The following MAD1L1 variants were observed in gnomAD, a reference collection of about 807,000 sequenced individuals.
MAD1L1 encodes mitotic spindle assembly checkpoint protein MAD1.
A neutral mutation model predicts 96.9 loss-of-function variants in MAD1L1; 95 were observed. The ratio of observed to expected loss-of-function variants is 0.98; its 90% confidence interval spans 0.83 to 1.16. The LOEUF is 1.16. Ranked by LOEUF, MAD1L1 falls within the 50% of genes most tolerant of loss-of-function variation. MAD1L1 has a pLI of 0.00. For missense variants in MAD1L1, 1,007 were observed against 954.4 expected (o/e 1.06, Z -0.73); for synonymous variants, 473 against 396.6 (o/e 1.19, Z -2.29).
At chr7:1,981,755 C>T (rs754450147) in intron 14 of MAD1L1, among the ~76,000 whole-genome samples, 6 of 152,166 alleles carry the variant, frequency 3.9e-5, no homozygotes, top group Non-Finnish European at 8.8e-5. Flanking sequence ...GGACAACACC[C>T]CCTGGGCTGG....
intron 12 of MAD1L1, among the ~76,000 whole-genome samples, chr7:2,031,045 G>A (rs55952733): frequency 0.16 from 24,951 of 152,202 alleles, 2,611 homozygotes; most frequent in Middle Eastern, 0.3. Context: ...GCCCCCAGGA[G>A]AAAAAACGGT....
chr7:1,993,545 T>G (rs761267094), intron 14 of MAD1L1, among the ~76,000 whole-genome samples: 1 of 152,198 alleles, frequency 6.6e-6, no homozygotes, highest in Non-Finnish European at 1.5e-5. Flanking sequence ...GAAAACAAGC[T>G]TACGCCTTCC....
chr7:2,121,487 A>C (rs1326879001), intron 11 of MAD1L1, among the ~76,000 whole-genome samples: 1 of 152,200 alleles, frequency 6.6e-6, no homozygotes, highest in Non-Finnish European at 1.5e-5. Flanking sequence ...CCAGAGGTGT[A>C]CCACCAGGCA....
chr7:2,192,585 A>C (rs1206333041), intron 10 of MAD1L1, among the ~76,000 whole-genome samples: 2 of 152,228 alleles, frequency 1.3e-5, no homozygotes, highest in Non-Finnish European at 2.9e-5. Flanking sequence ...AAAGATGAGA[A>C]TGAAAGTGTG....
At chr7:2,213,104 C>T (rs1048296936) in intron 10 of MAD1L1, 108 bp downstream of exon 10, 6 of 1,183,156 alleles carry the variant, frequency 5.1e-6, no homozygotes, top group Non-Finnish European at 7.5e-6. Flanking sequence ...GCACCAGCCA[C>T]AGAGATGCCT....
intron 16 of MAD1L1, among the ~76,000 whole-genome samples, chr7:1,955,319 C>A (rs1356863022): frequency 6.6e-6 from 1 of 152,238 alleles, no homozygotes; most frequent in African/African-American, 2.4e-5. Flanking sequence ...CTCCTGGGGC[C>A]TCGCTCTGTC....
At chr7:2,084,133 T>C (rs1584279624) in intron 11 of MAD1L1, among the ~76,000 whole-genome samples, 1 of 152,170 alleles carries the variant, frequency 6.6e-6, no homozygotes, top group Non-Finnish European at 1.5e-5. Context: ...GCTGGCAGGG[T>C]GTGCGGTGGA....
At chr7:1,934,557 C>G (rs1448601970) in intron 17 of MAD1L1, among the ~76,000 whole-genome samples, 2 of 150,624 alleles carry the variant, frequency 1.3e-5, no homozygotes, top group Non-Finnish European at 3.0e-5. Context: ...GAGACCCAGA[C>G]AACAGGGGAA....
At chr7:1,888,488 G>C (rs1370582177) in intron 18 of MAD1L1, among the ~76,000 whole-genome samples, 1 of 151,886 alleles carries the variant, frequency 6.6e-6, no homozygotes, top group Non-Finnish European at 1.5e-5. Context: ...ATGTGTGCAT[G>C]CATGTATGTG....
intron 18 of MAD1L1, chr7:1,847,955 C>A (rs979335832): frequency 2.8e-6 from 1 of 351,278 alleles, no homozygotes; most frequent in African/African-American, 2.1e-5. Context: ...AACAGGCCAC[C>A]CAGATGCAAG....
intron 18 of MAD1L1, among the ~76,000 whole-genome samples, chr7:1,843,834 G>C (rs528524206): frequency 6.6e-6 from 1 of 152,226 alleles, no homozygotes; most frequent in African/African-American, 2.4e-5. Flanking sequence ...ATGCTGAAAC[G>C]AGCGTGAGCT....
chr7:2,155,497 A>G (rs34782622), intron 10 of MAD1L1, among the ~76,000 whole-genome samples: 21,717 of 152,002 alleles, frequency 0.14, 1,831 homozygotes, highest in Middle Eastern at 0.28. Context: ...AGCCCCAGCC[A>G]CCTCCATACT....
chr7:1,870,575 C>T (rs983986787), intron 18 of MAD1L1, among the ~76,000 whole-genome samples: 20 of 129,802 alleles, frequency 1.5e-4, no homozygotes, highest in South Asian at 5.4e-4. Context: ...ACCCAACATA[C>T]GCCTGCCACG....
At position 2,223,331 on chromosome 7, in the gene MAD1L1, C is replaced by T. The variant is rs116639227; in HGVS notation, c.292-577G>A. On this transcript the variant is annotated intron_variant, in intron 4 of 18. Coordinates refer to ENST00000265854, the MANE Select transcript of MAD1L1 (RefSeq NM_001013836.2). ...CCCACGACTGGCCTTAGGGAGGCCG[C>T]GTGGCTCTCACTGGTTGGGATGGGA... is the stretch of plus-strand genomic sequence containing the variant. 2.7e-3 allele frequency among the ~76,000 whole-genome samples: 405 copies of T among 152,318 alleles called. 4 individuals are homozygous for T. Among genetic ancestry groups the T allele is most frequent in the African/African-American group, 8.6e-3 (357 of 41,570 alleles).
At chr7:2,081,959 G>C (rs1785674345) in intron 11 of MAD1L1, among the ~76,000 whole-genome samples, 1 of 152,232 alleles carries the variant, frequency 6.6e-6, no homozygotes, top group Non-Finnish European at 1.5e-5. Flanking sequence ...GCAGCTTCCA[G>C]GGACAGAGGA....
At chr7:1,841,566 A>C (rs1221832735) in intron 18 of MAD1L1, among the ~76,000 whole-genome samples, 3 of 152,176 alleles carry the variant, frequency 2.0e-5, no homozygotes, top group Non-Finnish European at 4.4e-5. Context: ...GTCACTCACG[A>C]GACAGAAGCT....
intron 18 of MAD1L1, among the ~76,000 whole-genome samples, chr7:1,867,451 C>T (rs989913924): frequency 4.6e-5 from 7 of 152,220 alleles, no homozygotes; most frequent in African/African-American, 2.4e-5. Context: ...CTCTGGGGGC[C>T]GCAGGAATTG....
chr7:1,932,588 A>C (rs1224533515), intron 17 of MAD1L1, among the ~76,000 whole-genome samples: 1 of 152,218 alleles, frequency 6.6e-6, no homozygotes, highest in African/African-American at 2.4e-5. Flanking sequence ...CTGATCCCGG[A>C]TCCTTTGACA....
chr7:1,861,969 G>T lies in MAD1L1; in HGVS notation c.1998+36231C>A, dbSNP rs1784554996. Among the ~76,000 whole-genome samples the T allele has an allele frequency of 2.0e-5, 3 of 152,116 alleles. No homozygotes were observed. In the South Asian group the frequency reaches 6.2e-4, roughly 32 times the overall value. On this transcript the variant is annotated intron_variant, in intron 18 of 18. Transcript: ENST00000265854. ...AGCTGCTGGGAACGTAGAGGGCTGG[G>T]GTGTGCCCTCAGCCTCAGAGCCCCA...
Sources: gnomAD v4.1 joint callset for allele counts (sites outside exome capture counted in the v4.1 genomes callset) on GRCh38, gnomAD v4.1.1 for gene constraint, MANE v1.5 for transcripts, NCBI Gene and HGNC (gene_info 2026-07-23, HGNC 2026-07-21) for gene names.